Variants in PCDH15 observed in about 807,000 individuals in gnomAD.
PCDH15 encodes protocadherin related 15.
A neutral mutation model predicts 178.5 loss-of-function variants in PCDH15; 129 were observed. The observed-to-expected ratio is 0.72, with a 90% CI of 0.63 to 0.84. The LOEUF (loss-of-function observed/expected upper bound fraction) is 0.84. Ranked by LOEUF, PCDH15 falls within the 40% of genes least tolerant of loss-of-function variation. PCDH15 has a pLI of 0.00. For synonymous variants in PCDH15, 800 were observed against 732.0 expected (o/e 1.09, Z -1.50); for missense variants, 2,230 against 2,099.9 (o/e 1.06, Z -1.21).
chr10:55,052,654 T>G (rs1476100875), intron 2 of PCDH15, among the ~76,000 whole-genome samples: 5 of 150,342 alleles, frequency 3.3e-5, no homozygotes, highest in Non-Finnish European at 7.4e-5. Context: ...AGGCGGAGGT[T>G]GTGGTGAGCC....
At chr10:54,028,471 A>G (rs2093186525) in intron 18 of PCDH15, among the ~76,000 whole-genome samples, 1 of 152,004 alleles carries the variant, frequency 6.6e-6, no homozygotes, top group African/African-American at 2.4e-5. Context: ...TCATGCTGCT[A>G]TAAAGACACA....
intron 2 of PCDH15, among the ~76,000 whole-genome samples, chr10:54,649,444 A>G (rs1029309744): frequency 6.6e-6 from 1 of 152,174 alleles, no homozygotes; most frequent in African/African-American, 2.4e-5. Context: ...CCATGTGTGG[A>G]CAAATCTTGC....
At chr10:54,192,198 AGAAG>A (rs141742780) in intron 11 of PCDH15, among the ~76,000 whole-genome samples, 1 of 148,806 alleles carries the variant, frequency 6.7e-6, no homozygotes, top group Non-Finnish European at 1.5e-5. Flanking sequence ...AAGAAAGGAA[AGAAG>A]GAAGGAAGGA....
Position 55,163,936 on chromosome 10 carries a change from T to C in PCDH15, c.-80+2640A>G, listed in dbSNP as rs543122089. ...AGTTAAGCAGCTCATGCCACTGCTC[T>C]GCCTATGGAGTAGCAATTCTTTATT... On this transcript the variant is annotated intron_variant, in intron 2 of 5. Transcript: ENST00000458638. Among the ~76,000 whole-genome samples the C allele has an allele frequency of 2.0e-5, 3 of 152,318 alleles. No individual in the cohort carries two copies. In the East Asian group the frequency reaches 5.8e-4, roughly 29 times the overall value.
intron 1 of PCDH15, among the ~76,000 whole-genome samples, chr10:55,184,835 T>C (rs565286541): frequency 1.3e-5 from 2 of 152,070 alleles, no homozygotes; most frequent in East Asian, 1.9e-4. Flanking sequence ...GTTCCATTAA[T>C]ATATAAGAAT....
intron 2 of PCDH15, among the ~76,000 whole-genome samples, chr10:55,523,535 T>A (rs1407362432): frequency 6.6e-6 from 1 of 151,652 alleles, no homozygotes; most frequent in Non-Finnish European, 1.5e-5. Flanking sequence ...TCTTTGTTAT[T>A]TTGGAATATA....
At chr10:54,907,602 C>A (rs988378279) in intron 2 of PCDH15, among the ~76,000 whole-genome samples, 4 of 152,008 alleles carry the variant, frequency 2.6e-5, no homozygotes, top group Non-Finnish European at 4.4e-5. Flanking sequence ...ATTGTTAAGG[C>A]CCCCTGGGAA....
chr10:54,020,593 G>C lies in PCDH15; in HGVS notation c.2527-177C>G, dbSNP rs2610856. Reference sequence around the variant, plus strand: ...TTATTTAATAATTTACCAGGGAAGAGAAGGAGGGATGGGGGAGAGAAAGAT... The same window carrying C: ...TTATTTAATAATTTACCAGGGAAGACAAGGAGGGATGGGGGAGAGAAAGAT... On this transcript the variant is annotated intron_variant, in intron 19 of 37. Transcript: ENST00000644397. 0.026 allele frequency among the ~76,000 whole-genome samples: 3,941 copies of C among 151,850 alleles called. 162 individuals carry two copies. Among genetic ancestry groups the C allele is most frequent in the African/African-American group, 0.091 (3,757 of 41,404 alleles).
At chr10:55,313,528 T>C (rs1457974322) in intron 1 of PCDH15, among the ~76,000 whole-genome samples, 1 of 152,180 alleles carries the variant, frequency 6.6e-6, no homozygotes, top group African/African-American at 2.4e-5. Flanking sequence ...CTTCTGAAGT[T>C]TGTAATGTTT....
intron 29 of PCDH15, among the ~76,000 whole-genome samples, chr10:53,836,788 T>C (rs576638047): frequency 2.0e-5 from 3 of 152,244 alleles, no homozygotes; most frequent in Admixed American, 1.3e-4. Context: ...AGAAATGAAG[T>C]AACAGAGCCA....
chr10:55,217,370 T>C (rs1840735454), intron 1 of PCDH15, among the ~76,000 whole-genome samples: 1 of 152,018 alleles, frequency 6.6e-6, no homozygotes, highest in South Asian at 2.1e-4. Flanking sequence ...AAATATTTTC[T>C]GTTGCTGAGT....
intron 2 of PCDH15, among the ~76,000 whole-genome samples, chr10:55,341,696 A>G (rs1213650304): frequency 7.1e-6 from 1 of 140,104 alleles, no homozygotes; most frequent in African/African-American, 2.6e-5. Context: ...CAGCCTCCCG[A>G]GTAGCTGGGA....
chr10:54,651,994 T>C (rs1465689249), intron 2 of PCDH15, among the ~76,000 whole-genome samples: 1 of 151,678 alleles, frequency 6.6e-6, no homozygotes, highest in Non-Finnish European at 1.5e-5. Flanking sequence ...AAACCACACC[T>C]ACCTTCCCAG....
chr10:54,221,907 A>G (rs1044360139), intron 9 of PCDH15, among the ~76,000 whole-genome samples: 2 of 152,168 alleles, frequency 1.3e-5, no homozygotes, highest in African/African-American at 4.8e-5. Context: ...CTGGCCTTAC[A>G]GTATATATTC....
intron 8 of PCDH15, among the ~76,000 whole-genome samples, chr10:54,251,694 TA>T (rs2056485156): frequency 6.6e-6 from 1 of 152,192 alleles, no homozygotes; most frequent in Non-Finnish European, 1.5e-5. Context: ...GAAATGCTTG[TA>T]AAACACCTAC....
intron 9 of PCDH15, among the ~76,000 whole-genome samples, chr10:54,216,302 A>T (rs2052057026): frequency 6.6e-6 from 1 of 151,536 alleles, no homozygotes; most frequent in South Asian, 2.1e-4. Context: ...CTAAAAATAC[A>T]AAAATTAGCT....
At chr10:55,030,822 A>C (rs1840592064) in intron 2 of PCDH15, among the ~76,000 whole-genome samples, 1 of 152,190 alleles carries the variant, frequency 6.6e-6, no homozygotes, top group South Asian at 2.1e-4. Flanking sequence ...TGTTTGCAGA[A>C]GTTAGGGGAA....
intron 2 of PCDH15, among the ~76,000 whole-genome samples, chr10:55,591,668 G>C (rs868795927): frequency 6.6e-6 from 1 of 152,080 alleles, no homozygotes; most frequent in African/African-American, 2.4e-5. Context: ...ATCAGGGGAG[G>C]AGTAAGGAGG....
chr10:55,437,565 G>A (rs146920408), intron 2 of PCDH15, among the ~76,000 whole-genome samples: 6 of 152,186 alleles, frequency 3.9e-5, no homozygotes, highest in African/African-American at 1.4e-4. Flanking sequence ...AGTACTAAAG[G>A]TTTAGAAGAC....
Sources: gnomAD v4.1 joint callset for allele counts (sites outside exome capture counted in the v4.1 genomes callset) on GRCh38, gnomAD v4.1.1 for gene constraint, MANE v1.5 for transcripts, NCBI Gene and HGNC (gene_info 2026-07-23, HGNC 2026-07-21) for gene names.